Variants in ZC3H3 observed in about 807,000 individuals in gnomAD.
ZC3H3 encodes zinc finger CCCH domain-containing protein 3.
In ZC3H3, 36 loss-of-function variants were observed where a neutral mutation model predicts 77.3. That is an observed-to-expected ratio of 0.47 (90% CI 0.36 to 0.61). The LOEUF (loss-of-function observed/expected upper bound fraction) is 0.61. Ranked by LOEUF, ZC3H3 falls within the 20% of genes least tolerant of loss-of-function variation. ZC3H3 has a pLI of 0.00. For missense variants in ZC3H3, 1,331 were observed against 1,312.2 expected (o/e 1.01, Z -0.22); for synonymous variants, 626 against 555.2 (o/e 1.13, Z -1.79).
At position 143,475,540 on chromosome 8, in the gene ZC3H3, C is replaced by T. The variant is rs1412390057; in HGVS notation, c.1761G>A (p.Gly587=). The T allele has an allele frequency of 6.2e-7, 1 of 1,609,942 alleles. No homozygotes were observed. The highest frequency in any genetic ancestry group is 8.5e-7 in the Non-Finnish European group (1 of 1,178,778). The change falls in exon 5 of 12, where the codon GGG becomes GGA. Residue 587 remains glycine, a synonymous_variant. Transcript: ENST00000262577. ...ACCAAGGGGAGCCCGGTTGGGCTTTCCCACCCCCGCTGGCAACTGGACGCA... is the reference window on the plus strand; with the variant it reads ...ACCAAGGGGAGCCCGGTTGGGCTTTTCCACCCCCGCTGGCAACTGGACGCA... ...NRLRPVASGG[G]KAQPGSPWWR... is the part of the protein sequence containing the mutation.
chr8:143,494,316 C>T lies in ZC3H3; in HGVS notation c.1715+13430G>A, dbSNP rs1038151369. 4.6e-5 allele frequency among the ~76,000 whole-genome samples: 7 copies of T among 152,228 alleles called. No homozygotes were observed. The highest frequency in any genetic ancestry group is 1.9e-4 in the East Asian group (1 of 5,200). The stretch of plus-strand genomic sequence containing the variant: ...TCAAATGACAGAGTATCTCAGAGAG[C>T]GTGAGTGAGCAGCTCAGGCTACGGG... On this transcript the variant is annotated intron_variant, in intron 4 of 11. Coordinates refer to ENST00000262577, the MANE Select transcript of ZC3H3 (RefSeq NM_015117.3). The surrounding 1 kb of genome is among the most constrained non-coding windows in gnomAD (Gnocchi z 5.3).
Position 143,440,371 on chromosome 8 carries a change from G to A in ZC3H3, c.2493-8C>T. On this transcript the variant is annotated splice_polypyrimidine_tract_variant and splice_region_variant and intron_variant, in intron 10 of 11. Transcript: ENST00000262577. The stretch of plus-strand genomic sequence containing the variant: ...TGGGATGCTGAAGGCTTCCTGCAGG[G>A]AAGGAAGGGGCAGACGTGTGAGGTG... 1 of 1,519,126 alleles carries A rather than the reference G, an allele frequency of 6.6e-7. No individual in the cohort carries two copies. Among genetic ancestry groups the A allele is most frequent in the Non-Finnish European group, 8.8e-7 (1 of 1,132,724 alleles). The allele number at this position is 1,519,126 out of a possible 1,614,324, so 94.1% of individuals were successfully genotyped here.
At position 143,440,321 on chromosome 8, in the gene ZC3H3, G is replaced by A. The variant is rs1220972166; in HGVS notation, c.2535C>T (p.Ser845=). 6.5e-7 allele frequency: 1 copy of A among 1,549,616 alleles called. No individual in the cohort carries two copies. The highest frequency in any genetic ancestry group is 8.7e-7 in the Non-Finnish European group (1 of 1,144,898). ...CGGCAGCCGCAGTGAGGGCAGCCGA[G>A]CTGGGCGTCTGCCTGGTGGGGCGCT... ...ASQRPTRQTP[S]SAALTAAAVA... Residue 845 remains serine, a synonymous_variant, in exon 11 of 12, where the codon AGC becomes AGT. Coordinates refer to ENST00000262577, the MANE Select transcript of ZC3H3 (RefSeq NM_015117.3).
intron 3 of ZC3H3, among the ~76,000 whole-genome samples, chr8:143,511,566 G>C (rs1314726310): frequency 1.3e-5 from 2 of 152,188 alleles, no homozygotes; most frequent in Non-Finnish European, 2.9e-5. Context: ...CCAGGGCCAA[G>C]GTGAGTATCC....
At chr8:143,492,156 G>C (rs1821223153) in intron 4 of ZC3H3, among the ~76,000 whole-genome samples, 1 of 152,234 alleles carries the variant, frequency 6.6e-6, no homozygotes, top group South Asian at 2.1e-4. Flanking sequence ...GGAGGCCTAA[G>C]AGGCACAGAG....
intron 9 of ZC3H3, among the ~76,000 whole-genome samples, chr8:143,445,407 A>C (rs1477205494): frequency 6.7e-6 from 1 of 148,516 alleles, no homozygotes; most frequent in African/African-American, 2.5e-5. Flanking sequence ...AAAGATAATA[A>C]AGAACCTTAT....
chr8:143,468,365 C>T lies in ZC3H3; in HGVS notation c.2105+17G>A, dbSNP rs1320774722. On this transcript the variant is annotated intron_variant, in intron 7 of 11. Coordinates refer to ENST00000262577, the MANE Select transcript of ZC3H3 (RefSeq NM_015117.3). ...CACAGAACCTCCCCCAGGCCCACAG[C>T]GAGGGCAGGAGGGCACCTGGTGCAC... The T allele has an allele frequency of 3.1e-6, 5 of 1,611,860 alleles. No homozygotes were observed. Among genetic ancestry groups the T allele is most frequent in the Admixed American group, 1.7e-5 (1 of 59,936 alleles).
intron 4 of ZC3H3, among the ~76,000 whole-genome samples, chr8:143,505,108 A>C (rs547567285): frequency 6.6e-6 from 1 of 152,080 alleles, no homozygotes; most frequent in Non-Finnish European, 1.5e-5. Context: ...GCCCCTGCCA[A>C]CTCTGACCAC....
intron 3 of ZC3H3, among the ~76,000 whole-genome samples, chr8:143,522,514 A>C (rs1822280640): frequency 6.6e-6 from 1 of 152,060 alleles, no homozygotes; most frequent in South Asian, 2.1e-4. Flanking sequence ...GAGGTGGGAG[A>C]ATCTCTTGAA....
At chr8:143,528,748 G>A (rs988376171) in intron 3 of ZC3H3, among the ~76,000 whole-genome samples, 1 of 152,204 alleles carries the variant, frequency 6.6e-6, no homozygotes, top group African/African-American at 2.4e-5. Flanking sequence ...TAAGCATGGT[G>A]ACTGCCCCAC....
At chr8:143,522,317 T>C (rs563443150) in intron 3 of ZC3H3, among the ~76,000 whole-genome samples, 1 of 152,334 alleles carries the variant, frequency 6.6e-6, no homozygotes, top group Admixed American at 6.5e-5. Context: ...AAAAATGTAT[T>C]GGAAGCCAGG....
rs1223854983 is a variant in ZC3H3, at chr8:143,468,504, C to A, written c.1983G>T (p.Gln661His). Residue 661 changes from glutamine (Q) to histidine (H), a missense_variant, in exon 7 of 12, where the codon CAG (glutamine) becomes CAT (histidine). This residue lies in a region of ZC3H3 where 978 missense variants were observed against 915.5 expected (regional missense o/e 1.07). Transcript: ENST00000262577. ...TCCTCTTCTCCCTGCGCTGCCGCGC[C>A]TGCCGGATGATGGCCAGGCTGCGCT... is the stretch of plus-strand genomic sequence containing the variant. Reference protein sequence around the residue: ...AVQRSLAIIRQARQRREKRKE... With the variant: ...AVQRSLAIIRHARQRREKRKE... The A allele has an allele frequency of 6.2e-7, 1 of 1,609,190 alleles. No homozygotes were observed. The highest frequency in any genetic ancestry group is 1.1e-5 in the South Asian group (1 of 90,234).
At chr8:143,541,296 C>G (rs2130534916) in intron 1 of ZC3H3, 80 bp downstream of exon 1, 1 of 1,588,752 alleles carries the variant, frequency 6.3e-7, no homozygotes, top group Admixed American at 1.7e-5. Context: ...TGAGCGACCC[C>G]TTCGACAAGG....
At chr8:143,475,313 G>C in intron 5 of ZC3H3, 85 bp downstream of exon 5, 1 of 1,451,940 alleles carries the variant, frequency 6.9e-7, no homozygotes, top group Non-Finnish European at 9.2e-7. Flanking sequence ...ACAGCATGTT[G>C]GAGGTTAGGG....
intron 9 of ZC3H3, among the ~76,000 whole-genome samples, chr8:143,445,786 G>A (rs1486075135): frequency 6.6e-6 from 1 of 151,912 alleles, no homozygotes; most frequent in Non-Finnish European, 1.5e-5. Context: ...ACTGCTCTGG[G>A]GACAGATGCC....
chr8:143,484,432 G>C (rs754070131), intron 4 of ZC3H3: 9 of 153,356 alleles, frequency 5.9e-5, no homozygotes, highest in Admixed American at 5.2e-4. Context: ...TTGGTATTTC[G>C]ATCAATGGAT....
intron 3 of ZC3H3, among the ~76,000 whole-genome samples, chr8:143,521,768 T>C (rs995298743): frequency 6.6e-6 from 1 of 151,884 alleles, no homozygotes; most frequent in African/African-American, 2.4e-5. Flanking sequence ...CCAGAAGGGG[T>C]CCCCAGGAAG....
intron 9 of ZC3H3, among the ~76,000 whole-genome samples, chr8:143,445,431 A>C (rs1819841867): frequency 2.2e-5 from 1 of 45,590 alleles, no homozygotes; most frequent in Non-Finnish European, 4.0e-5. Context: ...AACACATTAA[A>C]GGTAGGAGGC....
intron 3 of ZC3H3, among the ~76,000 whole-genome samples, chr8:143,518,249 G>A (rs777752171): frequency 3.9e-5 from 6 of 152,174 alleles, no homozygotes; most frequent in Non-Finnish European, 5.9e-5. Context: ...CAGGGAGCCC[G>A]AGGCCCTTCC....
Sources: gnomAD v4.1 joint callset for allele counts (sites outside exome capture counted in the v4.1 genomes callset) on GRCh38, gnomAD v4.1.1 for gene constraint, gnomAD v4.1.1 regional missense constraint, Gnocchi (gnomAD v3.1) non-coding constraint, MANE v1.5 for transcripts, NCBI Gene and HGNC (gene_info 2026-07-23, HGNC 2026-07-21) for gene names.